GFRA3: variants seen among roughly 807,000 people sequenced by gnomAD.
The protein encoded by GFRA3 is GDNF family receptor alpha-3.
GFRA3 carries 24 observed loss-of-function variants against 40.0 expected under a neutral mutation model. The observed-to-expected ratio is 0.60, with a 90% CI of 0.43 to 0.84. The LOEUF (loss-of-function observed/expected upper bound fraction) is 0.84, where lower values mean the gene tolerates loss of function less well. Ranked by LOEUF, GFRA3 falls within the 40% of genes least tolerant of loss-of-function variation. The pLI, the probability that GFRA3 is intolerant of heterozygous loss-of-function variation, is 0.00. For synonymous variants in GFRA3, 203 were observed against 213.5 expected (o/e 0.95, Z 0.43); for missense variants, 405 against 530.6 (o/e 0.76, Z 2.33).
chr5:138,258,512 A>G (rs1755668306), intron 3 of GFRA3, among the ~76,000 whole-genome samples: 1 of 152,086 alleles, frequency 6.6e-6, no homozygotes, highest in African/African-American at 2.4e-5. Flanking sequence ...GTAAAATAAT[A>G]AGAATAATCA....
chr5:138,254,538 T>C lies in GFRA3; in HGVS notation c.786-378A>G, dbSNP rs1000963969. Among the ~76,000 whole-genome samples the C allele has an allele frequency of 2.0e-5, 3 of 152,178 alleles. No individual in the cohort carries two copies. The East Asian group carries it at 5.8e-4, about 29-fold the overall frequency. ...GTCCAGCCTGCAGCCTTCTCCCTCA[T>C]TCCCCCTTAGCTTGGCATGCCCATT... On this transcript the variant is annotated intron_variant, in intron 4 of 7. Coordinates refer to ENST00000274721, the MANE Select transcript of GFRA3 (RefSeq NM_001496.4).
chr5:138,256,179 C>T (rs555066864), intron 4 of GFRA3, among the ~76,000 whole-genome samples: 2 of 147,364 alleles, frequency 1.4e-5, no homozygotes, highest in African/African-American at 5.0e-5. Flanking sequence ...TGCAGTGAGC[C>T]GAGATCGCAC....
At chr5:138,260,655 G>A (rs1755696927) in intron 2 of GFRA3, among the ~76,000 whole-genome samples, 1 of 152,136 alleles carries the variant, frequency 6.6e-6, no homozygotes, top group African/African-American at 2.4e-5. Flanking sequence ...TGTAATCCCA[G>A]CTACCTGGGA....
chr5:138,253,393 G>T lies in GFRA3; in HGVS notation c.1025-18C>A, dbSNP rs541505285. On this transcript the variant is annotated intron_variant, in intron 6 of 7. Transcript: ENST00000274721. ...GGCCTCCGCTGAAGAGAGGAGAGAA[G>T]GCTCATTGGAAGGGTATGGGGGCAG... The T allele has an allele frequency of 1.3e-6, 2 of 1,496,458 alleles. No individual in the cohort carries two copies. The highest frequency in any genetic ancestry group is 1.8e-5 in the Admixed American group (1 of 54,780). 92.7% of individuals were successfully genotyped at this position (1,496,458 alleles called of 1,614,324 possible). A position where few individuals can be genotyped will look rare whatever the true frequency, so the allele number is the denominator to read the frequency against.
At chr5:138,271,913 TTGTGTGTGTGTG>T (rs1554111238) in intron 1 of GFRA3, among the ~76,000 whole-genome samples, 1 of 54,328 alleles carries the variant, frequency 1.8e-5, no homozygotes, top group East Asian at 4.9e-4. Context: ...TTTTTTTTTT[TTGTGTGTGTGTG>T]TGTGTGTGTG....
chr5:138,266,710 C>CA (rs1314242765), intron 1 of GFRA3, among the ~76,000 whole-genome samples: 1 of 149,384 alleles, frequency 6.7e-6, no homozygotes, highest in Non-Finnish European at 1.5e-5. Flanking sequence ...TTTTTTGAGT[C>CA]AGAGTCAGGC....
At chr5:138,264,215 A>T in intron 2 of GFRA3, 46 bp downstream of exon 2, 1 of 1,460,300 alleles carries the variant, frequency 6.8e-7, no homozygotes. Context: ...ACAACCCCCA[A>T]GAGCCATCTT....
chr5:138,271,531 C>G (rs1283405549), intron 1 of GFRA3, among the ~76,000 whole-genome samples: 1 of 152,056 alleles, frequency 6.6e-6, no homozygotes, highest in African/African-American at 2.4e-5. Flanking sequence ...GCAAATGTGT[C>G]TTTTTTAGTC....
rs760364467 is a variant in GFRA3 at position 138,253,792 on chromosome 5, C to G, written c.998G>C (p.Gly333Ala). 12 of 1,613,840 alleles carry G rather than the reference C, an allele frequency of 7.4e-6. No homozygotes were observed. The highest frequency in any genetic ancestry group is 1.6e-4 in the Middle Eastern group (1 of 6,080). The stretch of plus-strand genomic sequence containing the variant: ...GAGGCAGGGGTTGTGGGAGAAGAAC[C>G]CTTCCAGCATTTCACACTCCTCCTG... ...NLQEECEMLE[G>A]FFSHNPCLTE... Residue 333 changes from glycine (G) to alanine (A), a missense_variant, in exon 6 of 8, where the codon GGG becomes GCG. By Grantham distance (60) the Gly-to-Ala change is moderately conservative. Coordinates refer to ENST00000274721, the MANE Select transcript of GFRA3 (RefSeq NM_001496.4).
At chr5:138,256,225 C>T (rs1357997994) in intron 4 of GFRA3, among the ~76,000 whole-genome samples, 2 of 122,524 alleles carry the variant, frequency 1.6e-5, no homozygotes, top group East Asian at 2.4e-4. Context: ...AACAAGACTC[C>T]GTCTTAAAAA....
At chr5:138,254,397 G>C (rs1378733453) in intron 4 of GFRA3, among the ~76,000 whole-genome samples, 1 of 152,004 alleles carries the variant, frequency 6.6e-6, no homozygotes, top group African/African-American at 2.4e-5. Flanking sequence ...ATGTCGGCCA[G>C]GCTGGTCTCA....
At chr5:138,273,998 T>C (rs1452629533) in intron 1 of GFRA3, among the ~76,000 whole-genome samples, 1 of 152,198 alleles carries the variant, frequency 6.6e-6, no homozygotes, top group Non-Finnish European at 1.5e-5. Flanking sequence ...TCCCCGCCTC[T>C]TAGAGACGCT....
chr5:138,253,137 T>G, intron 7 of GFRA3, 80 bp from the exon 8 acceptor site: 1 of 881,674 alleles, frequency 1.1e-6, no homozygotes, highest in Admixed American at 2.0e-5. Context: ...CAAGAGGTAT[T>G]CCCCTTCCCC....
In GFRA3 at chr5:138,253,221, G is replaced by A. The variant is rs1305284157; in HGVS notation, c.1113+66C>T. 4 of 1,085,738 alleles carry A rather than the reference G, an allele frequency of 3.7e-6. No individual in the cohort carries two copies. In the East Asian group the frequency reaches 1.0e-4, roughly 28 times the overall value. 67.3% of individuals were successfully genotyped at this position (1,085,738 alleles called of 1,614,324 possible). A position where few individuals can be genotyped will look rare whatever the true frequency, so the allele number is the denominator to read the frequency against. On this transcript the variant is annotated intron_variant, in intron 7 of 7. Transcript: ENST00000274721. Reference sequence around the variant, plus strand: ...GCCCCTCGCCTCTATCCCTTTGTCTGCCTAGTTTGGGTTTTCCCCAGCCGG... The same window carrying A: ...GCCCCTCGCCTCTATCCCTTTGTCTACCTAGTTTGGGTTTTCCCCAGCCGG...
At chr5:138,264,627 G>C in intron 1 of GFRA3, 79 bp from the exon 2 acceptor site, 2 of 950,772 alleles carry the variant, frequency 2.1e-6, no homozygotes, top group East Asian at 2.4e-5. Flanking sequence ...GGTTGGGAGA[G>C]GGATATTCCT....
rs1755575368 is a variant in GFRA3, at chr5:138,253,279, G to A, written c.1113+8C>T. ...AAGGTCTGAGGGGTGTAACAGAGGA[G>A]GCCCTACCTGGTGTGCCATCACAGC... On this transcript the variant is annotated splice_region_variant and intron_variant, in intron 7 of 7. Coordinates refer to ENST00000274721, the MANE Select transcript of GFRA3 (RefSeq NM_001496.4). 7.8e-6 allele frequency: 12 copies of A among 1,544,732 alleles called. No individual in the cohort carries two copies. The highest frequency in any genetic ancestry group is 1.1e-5 in the Non-Finnish European group (12 of 1,127,782).
chr5:138,261,739 C>T (rs1755713950), intron 2 of GFRA3, among the ~76,000 whole-genome samples: 1 of 148,400 alleles, frequency 6.7e-6, no homozygotes, highest in Non-Finnish European at 1.5e-5. Context: ...AGAAATGCCA[C>T]TGTTTCTTGT....
intron 2 of GFRA3, among the ~76,000 whole-genome samples, chr5:138,263,102 A>G (rs1249352820): frequency 6.6e-6 from 1 of 152,062 alleles, no homozygotes; most frequent in Non-Finnish European, 1.5e-5. Flanking sequence ...GTAGCCTGGG[A>G]TTACAGGTGC....
chr5:138,272,233 C>T (rs947009410), intron 1 of GFRA3, among the ~76,000 whole-genome samples: 12 of 150,802 alleles, frequency 8.0e-5, no homozygotes, highest in African/African-American at 2.7e-4. Flanking sequence ...GTCTCAATCT[C>T]CTGACCTCGT....
Sources: gnomAD v4.1 joint callset for allele counts (sites outside exome capture counted in the v4.1 genomes callset) on GRCh38, gnomAD v4.1.1 for gene constraint, MANE v1.5 for transcripts, NCBI Gene and HGNC (gene_info 2026-07-23, HGNC 2026-07-21) for gene names.